Variants in NLGN1 observed in about 807,000 individuals in gnomAD.
The protein encoded by NLGN1 is neuroligin-1.
Under a neutral mutation model 65.5 loss-of-function variants are expected in NLGN1, and 12 were observed. That is an observed-to-expected ratio of 0.18 (90% CI 0.12 to 0.30). NLGN1 has a LOEUF of 0.30. Among genes scored for constraint, NLGN1 ranks in the 10% least tolerant of loss-of-function variants. NLGN1 has a pLI of 1.00. For synonymous variants in NLGN1, 350 were observed against 359.5 expected (o/e 0.97, Z 0.30); for missense variants, 750 against 1,007.1 (o/e 0.74, Z 3.46).
intron 3 of NLGN1, among the ~76,000 whole-genome samples, chr3:173,648,425 C>T (rs1053773524): frequency 2.0e-5 from 3 of 152,042 alleles, no homozygotes; most frequent in Non-Finnish European, 4.4e-5. Flanking sequence ...AATGAGATAC[C>T]ACTTTACATG....
chr3:174,275,168 A>ATTCT (rs1553988214), intron 4 of NLGN1, 147 bp from the exon 5 acceptor site: 8 of 621,334 alleles, frequency 1.3e-5, no homozygotes, highest in East Asian at 5.5e-5. Flanking sequence ...GCTAAAGTAA[A>ATTCT]TTCTTTTGTT....
chr3:174,168,090 A>C (rs191013025), intron 4 of NLGN1, among the ~76,000 whole-genome samples: 1 of 152,134 alleles, frequency 6.6e-6, no homozygotes, highest in East Asian at 1.9e-4. Context: ...TTTCTTTTTA[A>C]GATGTTTATC....
At chr3:173,586,423 A>G (rs1024844147) in intron 2 of NLGN1, among the ~76,000 whole-genome samples, 4 of 152,186 alleles carry the variant, frequency 2.6e-5, no homozygotes, top group Non-Finnish European at 5.9e-5. Flanking sequence ...TTCCAGATAC[A>G]TGCGACGTTC....
chr3:174,235,589 A>G (rs1320446082), intron 4 of NLGN1, among the ~76,000 whole-genome samples: 1 of 152,144 alleles, frequency 6.6e-6, no homozygotes, highest in Non-Finnish European at 1.5e-5. Context: ...AAAAAGTAAA[A>G]CAGAGGATCT....
chr3:173,660,373 T>TC (rs1760758443), intron 3 of NLGN1, among the ~76,000 whole-genome samples: 1 of 151,340 alleles, frequency 6.6e-6, no homozygotes, highest in Non-Finnish European at 1.5e-5. Context: ...ATTTTTTTTT[T>TC]CAAATAAAAA....
At chr3:174,044,423 A>C (rs533650163) in intron 4 of NLGN1, among the ~76,000 whole-genome samples, 3 of 151,790 alleles carry the variant, frequency 2.0e-5, no homozygotes, top group African/African-American at 7.2e-5. Flanking sequence ...ATGCTTTACC[A>C]GTTAGAAATT....
intron 4 of NLGN1, among the ~76,000 whole-genome samples, chr3:173,826,044 A>G (rs1721272718): frequency 6.6e-6 from 1 of 152,008 alleles, no homozygotes; most frequent in African/African-American, 2.4e-5. Context: ...TTTAACAACT[A>G]AAAGTGCATT....
At chr3:173,991,702 G>C (rs748172237) in intron 4 of NLGN1, among the ~76,000 whole-genome samples, 1 of 152,150 alleles carries the variant, frequency 6.6e-6, no homozygotes, top group South Asian at 2.1e-4. Context: ...CTCATTGAAG[G>C]CTCCGTATGC....
intron 4 of NLGN1, among the ~76,000 whole-genome samples, chr3:174,259,460 A>G (rs1746436568): frequency 6.6e-6 from 1 of 150,884 alleles, no homozygotes; most frequent in African/African-American, 2.4e-5. Context: ...TCTTTTTTCG[A>G]TAGCCTAAGA....
At chr3:173,786,259 G>A (rs1221086600) in intron 3 of NLGN1, among the ~76,000 whole-genome samples, 1 of 152,098 alleles carries the variant, frequency 6.6e-6, no homozygotes, top group African/African-American at 2.4e-5. Flanking sequence ...TAAGTATTAT[G>A]GCTGTGAGTT....
At chr3:174,172,856 T>A (rs1172144555) in intron 4 of NLGN1, among the ~76,000 whole-genome samples, 2 of 152,080 alleles carry the variant, frequency 1.3e-5, no homozygotes, top group Non-Finnish European at 2.9e-5. Flanking sequence ...CTGTGAAGAA[T>A]GTCTTAGGTA....
At chr3:174,044,973 C>T (rs1733230242) in intron 4 of NLGN1, among the ~76,000 whole-genome samples, 1 of 152,058 alleles carries the variant, frequency 6.6e-6, no homozygotes, top group South Asian at 2.1e-4. Flanking sequence ...TTATAAGTTT[C>T]CTGAGGCCTC....
intron 3 of NLGN1, among the ~76,000 whole-genome samples, chr3:173,751,500 A>G (rs1429403288): frequency 2.0e-5 from 3 of 152,200 alleles, no homozygotes; most frequent in African/African-American, 2.4e-5. Flanking sequence ...CTCCCTAAAT[A>G]TAAGTGTGGT....
At chr3:173,684,877 G>A (rs995153550) in intron 3 of NLGN1, among the ~76,000 whole-genome samples, 1 of 152,132 alleles carries the variant, frequency 6.6e-6, no homozygotes, top group Non-Finnish European at 1.5e-5. Flanking sequence ...ACAGTGGAGT[G>A]TTATTACAAA....
chr3:173,495,295 C>T (rs1327788094), intron 2 of NLGN1, among the ~76,000 whole-genome samples: 4 of 151,542 alleles, frequency 2.6e-5, no homozygotes, highest in East Asian at 1.9e-4. Context: ...TGGGTTTCTC[C>T]TGGTATATAA....
chr3:173,600,200 T>TCACGCAC (rs1187383560), intron 2 of NLGN1, among the ~76,000 whole-genome samples: 1 of 145,100 alleles, frequency 6.9e-6, no homozygotes, highest in African/African-American at 2.6e-5. Context: ...TACATGTGTG[T>TCACGCAC]ACACACACAC....
intron 4 of NLGN1, among the ~76,000 whole-genome samples, chr3:173,843,075 AT>A (rs1725085772): frequency 6.6e-6 from 1 of 152,228 alleles, no homozygotes; most frequent in African/African-American, 2.4e-5. Flanking sequence ...GCTCAACACC[AT>A]GTTGAAGCTG....
chr3:174,049,800 C>T (rs907335225), intron 4 of NLGN1, among the ~76,000 whole-genome samples: 60 of 151,918 alleles, frequency 3.9e-4, no homozygotes, highest in African/African-American at 1.5e-3. Flanking sequence ...GCCTAGCTAA[C>T]GTGAGAGAAC....
At chr3:173,803,608 A>C (rs1250011338) in intron 3 of NLGN1, among the ~76,000 whole-genome samples, 1 of 151,986 alleles carries the variant, frequency 6.6e-6, no homozygotes, top group African/African-American at 2.4e-5. Context: ...ATTCTGTCAA[A>C]CAAAAAAAAT....
Sources: allele counts gnomAD v4.1 joint callset (sites outside exome capture counted in the v4.1 genomes callset), GRCh38; gene constraint gnomAD v4.1.1; transcripts MANE v1.5; gene names NCBI Gene and HGNC (gene_info 2026-07-23, HGNC 2026-07-21).